SV2C: variants seen among roughly 807,000 people sequenced by gnomAD.
SV2C encodes the protein solute carrier family 22 member B3.
In SV2C, 49 loss-of-function variants were observed where a neutral mutation model predicts 79.7. That is an observed-to-expected ratio of 0.61 (90% confidence interval 0.49 to 0.78). The LOEUF (loss-of-function observed/expected upper bound fraction) is 0.78. Ranked by LOEUF, SV2C falls within the 30% of genes least tolerant of loss-of-function variation. The pLI, the probability that SV2C is intolerant of heterozygous loss-of-function variation, is 0.00. For missense variants in SV2C, 833 were observed against 912.9 expected (o/e 0.91, Z 1.13); for synonymous variants, 334 against 333.2 (o/e 1.00, Z -0.03).
At chr5:76,156,612 A>G (rs10062318) in intron 2 of SV2C, among the ~76,000 whole-genome samples, 71,655 of 151,508 alleles carry the variant, frequency 0.47, 17,097 homozygotes, top group South Asian at 0.53. Flanking sequence ...AGACTTCAAA[A>G]TATGCATAAT....
At chr5:76,092,402 T>G (rs751197446) in intron 1 of SV2C, among the ~76,000 whole-genome samples, 4 of 152,174 alleles carry the variant, frequency 2.6e-5, no homozygotes, top group Non-Finnish European at 5.9e-5. Flanking sequence ...CAGGCAATAA[T>G]GTAGGTGAGG....
chr5:76,045,718 C>T, the SV2C span, among the ~76,000 whole-genome samples: 1 of 152,110 alleles, frequency 6.6e-6, no homozygotes, highest in South Asian at 2.1e-4. Flanking sequence ...TTATTTAAAT[C>T]TATTTTATTT....
chr5:76,289,769 T>C (rs1747490139), intron 6 of SV2C, among the ~76,000 whole-genome samples: 1 of 152,236 alleles, frequency 6.6e-6, no homozygotes, highest in South Asian at 2.1e-4. Flanking sequence ...TTCTCCCACT[T>C]GGAATATCCT....
intron 4 of SV2C, chr5:76,280,998 G>C (rs1747174254): frequency 5.6e-6 from 3 of 539,326 alleles, no homozygotes; most frequent in Non-Finnish European, 7.6e-6. Flanking sequence ...AAAGCACAGG[G>C]AGGCAGAAAT....
intron 1 of SV2C, among the ~76,000 whole-genome samples, chr5:76,128,456 G>A (rs1010044563): frequency 6.6e-6 from 1 of 152,224 alleles, no homozygotes; most frequent in Non-Finnish European, 1.5e-5. Context: ...GAAGGCCACT[G>A]CATTTAATAA....
chr5:76,353,663 C>A (rs909564848), exon 13 of SV2C: 1 of 152,284 alleles, frequency 6.6e-6, no homozygotes, highest in Non-Finnish European at 1.5e-5. Context: ...GACCACTTTA[C>A]ACACTTGCCC....
At chr5:75,877,033 C>A in the SV2C span, among the ~76,000 whole-genome samples, 1 of 151,956 alleles carries the variant, frequency 6.6e-6, no homozygotes, top group Admixed American at 6.6e-5. Context: ...TGATCCAACT[C>A]TATGCTATCT....
the SV2C span, among the ~76,000 whole-genome samples, chr5:75,865,300 G>C: frequency 6.6e-6 from 1 of 152,188 alleles, no homozygotes; most frequent in African/African-American, 2.4e-5. Context: ...CTATAAGAAA[G>C]TTAATGAGCA....
At chr5:76,079,004 C>A, upstream of SV2C, 3 of 446,178 alleles carry the variant, frequency 6.7e-6, no homozygotes, top group Non-Finnish European at 1.3e-5. Flanking sequence ...AAGCGATTAC[C>A]ACCTGTAGTT....
the SV2C span, among the ~76,000 whole-genome samples, chr5:76,030,548 G>A: frequency 7.9e-4 from 120 of 152,026 alleles, no homozygotes; most frequent in African/African-American, 2.1e-3. Flanking sequence ...TAATAGTGAC[G>A]TCATCTGTAT....
the SV2C span, among the ~76,000 whole-genome samples, chr5:75,958,631 C>T: frequency 2.6e-5 from 4 of 152,000 alleles, no homozygotes; most frequent in Non-Finnish European, 5.9e-5. Context: ...GGCTGAACAG[C>T]TTCTAGTCAC....
At chr5:76,137,163 A>G (rs999892763) in intron 2 of SV2C, among the ~76,000 whole-genome samples, 5 of 152,230 alleles carry the variant, frequency 3.3e-5, no homozygotes, top group African/African-American at 9.6e-5. Flanking sequence ...GAGATAATAT[A>G]TGTATAACTC....
intron 4 of SV2C, among the ~76,000 whole-genome samples, chr5:76,236,191 A>C (rs558794920): frequency 1.3e-5 from 2 of 152,346 alleles, no homozygotes; most frequent in African/African-American, 4.8e-5. Context: ...ATAGCACGTA[A>C]AAGTTAGTTC....
chr5:75,950,362 CA>C, the SV2C span, among the ~76,000 whole-genome samples: 1 of 151,960 alleles, frequency 6.6e-6, no homozygotes, highest in African/African-American at 2.4e-5. Flanking sequence ...CTATGGCTTA[CA>C]AAAAGACCCC....
At chr5:76,016,533 T>C in the SV2C span, among the ~76,000 whole-genome samples, 1 of 152,178 alleles carries the variant, frequency 6.6e-6, no homozygotes, top group Non-Finnish European at 1.5e-5. Flanking sequence ...AACCTCTCAG[T>C]ATCTTACTAT....
chr5:75,999,846 G>A, the SV2C span, among the ~76,000 whole-genome samples: 4 of 152,136 alleles, frequency 2.6e-5, no homozygotes, highest in African/African-American at 7.2e-5. Flanking sequence ...GTGCCTTATT[G>A]TTGAATCCTC....
intron 4 of SV2C, among the ~76,000 whole-genome samples, chr5:76,271,080 A>G (rs564299006): frequency 1.1e-4 from 17 of 152,220 alleles, no homozygotes; most frequent in Admixed American, 1.0e-3. Context: ...AATCGCTATG[A>G]TTTTTAAAAG....
chr5:76,272,052 A>G (rs1746885362), intron 4 of SV2C, among the ~76,000 whole-genome samples: 1 of 152,164 alleles, frequency 6.6e-6, no homozygotes, highest in Non-Finnish European at 1.5e-5. Flanking sequence ...AGCTGTTTCA[A>G]TTGTCAAGTG....
the SV2C span, among the ~76,000 whole-genome samples, chr5:76,032,268 A>C: frequency 6.6e-6 from 1 of 150,620 alleles, no homozygotes; most frequent in East Asian, 1.9e-4. Context: ...TTATTATTAT[A>C]CTTTAAGTTT....
Sources: gnomAD v4.1 joint callset for allele counts (sites outside exome capture counted in the v4.1 genomes callset) on GRCh38, gnomAD v4.1.1 for gene constraint, MANE v1.5 for transcripts, NCBI Gene and HGNC (gene_info 2026-07-23, HGNC 2026-07-21) for gene names.